Variants in AOX1 observed in about 807,000 individuals in gnomAD.
The protein encoded by AOX1 is aldehyde oxidase.
In AOX1, 153 loss-of-function variants were observed where a neutral mutation model predicts 169.5. The observed-to-expected ratio is 0.90, with a 90% CI of 0.79 to 1.03. The LOEUF (loss-of-function observed/expected upper bound fraction) is 1.03, where lower values mean the gene tolerates loss of function less well. Ranked by LOEUF, AOX1 falls within the 50% of genes least tolerant of loss-of-function variation. AOX1 has a pLI of 0.00. For missense variants in AOX1, 1,656 were observed against 1,663.9 expected, an observed-to-expected ratio of 1.00 and a Z score of 0.08; for synonymous variants, 562 against 581.9, an observed-to-expected ratio of 0.97 and a Z score of 0.49.
chr2:200,664,913 A>T (rs1574964223), intron 31 of AOX1, among the ~76,000 whole-genome samples: 1 of 152,186 alleles, frequency 6.6e-6, no homozygotes, highest in African/African-American at 2.4e-5. Flanking sequence ...GGAGTGGCTT[A>T]TCTGGGTGAT....
chr2:200,607,940 G>A (rs2034549077), intron 10 of AOX1, among the ~76,000 whole-genome samples: 1 of 152,138 alleles, frequency 6.6e-6, no homozygotes, highest in African/African-American at 2.4e-5. Flanking sequence ...ACACAGGAAG[G>A]GGAACAACAC....
At chr2:200,591,696 A>G (rs995440210) in intron 1 of AOX1, among the ~76,000 whole-genome samples, 2 of 152,222 alleles carry the variant, frequency 1.3e-5, no homozygotes, top group Non-Finnish European at 2.9e-5. Flanking sequence ...AGGAATTCCC[A>G]GAATGGCAGT....
In AOX1 at chr2:200,620,833, T is replaced by C; in HGVS notation, c.1874+14T>C. On this transcript the variant is annotated intron_variant, in intron 17 of 34. Transcript: ENST00000374700. ...TGCTAAGATTGTGTAAGTGGTAAAA[T>C]TCTTACTCAATGGGCATAAATGATT... 1 of 1,588,870 alleles carries C rather than the reference T, an allele frequency of 6.3e-7. No homozygotes were observed. Among genetic ancestry groups the C allele is most frequent in the Non-Finnish European group, 8.5e-7 (1 of 1,173,470 alleles).
intron 1 of AOX1, among the ~76,000 whole-genome samples, chr2:200,588,723 A>T (rs2034094853): frequency 1.9e-5 from 1 of 51,556 alleles, no homozygotes; most frequent in Non-Finnish European, 5.4e-5. Context: ...GAACTAGAAT[A>T]AGCTTTTTTT....
chr2:200,593,669 A>G (rs2034220226), intron 2 of AOX1, among the ~76,000 whole-genome samples: 1 of 152,256 alleles, frequency 6.6e-6, no homozygotes, highest in Non-Finnish European at 1.5e-5. Flanking sequence ...CTTGCTATGC[A>G]TGAACTCCAG....
chr2:200,657,190 A>ATATATATATATATATATATATATATT, intron 27 of AOX1, among the ~76,000 whole-genome samples: 3 of 62,880 alleles, frequency 4.8e-5, no homozygotes. Context: ...ATATATATAT[A>ATATATATATATATATATATATATATT]TTTTTTTTTT....
chr2:200,656,914 G>T lies in AOX1; in HGVS notation c.3148G>T (p.Gly1050Trp). 6.3e-7 allele frequency: 1 copy of T among 1,580,362 alleles called. No individual in the cohort carries two copies. The highest frequency in any genetic ancestry group is 8.6e-7 in the Non-Finnish European group (1 of 1,162,532). ...VTHGGIEMGQ[G>W]VHTKMIQVVS... ...TCACGGTGGAATTGAAATGGGGCAG[G>T]GGGTCCACACTAAAATGATTCAGGT... The change falls in exon 27 of 35, where the codon GGG becomes TGG. Residue 1050 changes from glycine (G) to tryptophan (W), a missense_variant. Physicochemically the swap from Gly to Trp is radical, Grantham distance 184. Transcript: ENST00000374700.
intron 1 of AOX1, among the ~76,000 whole-genome samples, chr2:200,589,834 C>T (rs894476680): frequency 1.3e-5 from 2 of 152,154 alleles, no homozygotes; most frequent in African/African-American, 4.8e-5. Context: ...CTAGCATTCT[C>T]TAAGGTTCTT....
At chr2:200,657,058 T>A (rs2035702917) in intron 27 of AOX1, 121 bp downstream of exon 27, 1 of 572,768 alleles carries the variant, frequency 1.7e-6, no homozygotes, top group Non-Finnish European at 2.7e-6. Flanking sequence ...GTGAGGTGGC[T>A]CATGCCTGTA....
Position 200,659,676 on chromosome 2 carries a change from CA to C in AOX1, c.3301-315del, listed in dbSNP as rs200307020. On this transcript the variant is annotated intron_variant, in intron 28 of 34. Coordinates refer to ENST00000374700, the MANE Select transcript of AOX1 (RefSeq NM_001159.4). ...TCTGCTGCCGGAGTGAATTTTCTCA[CA>C]AAATAAATGTGGCCATGCCATGTCT... 7.8e-3 allele frequency among the ~76,000 whole-genome samples: 1,182 copies of C among 152,276 alleles called. 6 individuals are homozygous for C. The highest frequency in any genetic ancestry group is 0.011 in the Non-Finnish European group (762 of 68,024).
intron 1 of AOX1, chr2:200,588,249 T>C (rs2034079293): frequency 6.6e-6 from 1 of 152,508 alleles, no homozygotes; most frequent in African/African-American, 2.4e-5. Flanking sequence ...GCAGTGGGAA[T>C]GGCAGGTGCA....
chr2:200,597,433 T>C lies in AOX1; in HGVS notation c.237T>C (p.Cys79=). Residue 79 remains cysteine, a synonymous_variant, in exon 4 of 35, where the codon TGT becomes TGC. Transcript: ENST00000374700. Reference sequence around the variant, plus strand: ...CCAATGCCTGTCTGATTCCCATCTGTTCTCTGTATGGTGCTGCCGTCACCA... The same window carrying C: ...CCAATGCCTGTCTGATTCCCATCTGCTCTCTGTATGGTGCTGCCGTCACCA... ...HPANACLIPI[C]SLYGAAVTTV... The C allele has an allele frequency of 6.2e-7, 1 of 1,611,278 alleles. No individual in the cohort carries two copies. Among genetic ancestry groups the C allele is most frequent in the Non-Finnish European group, 8.5e-7 (1 of 1,178,702 alleles).
chr2:200,609,767 AGTGTT>A (rs1257866961), intron 12 of AOX1, among the ~76,000 whole-genome samples: 1 of 152,192 alleles, frequency 6.6e-6, no homozygotes, highest in East Asian at 1.9e-4. Context: ...GTGGTACAGG[AGTGTT>A]GTGGCACCCA....
At chr2:200,599,305 G>C (rs545499295) in intron 4 of AOX1, among the ~76,000 whole-genome samples, 1 of 152,104 alleles carries the variant, frequency 6.6e-6, no homozygotes, top group Admixed American at 6.5e-5. Flanking sequence ...ATGTATGCCC[G>C]TGCCCCATTC....
At chr2:200,605,057 C>G (rs544134865) in intron 9 of AOX1, among the ~76,000 whole-genome samples, 1 of 152,270 alleles carries the variant, frequency 6.6e-6, no homozygotes, top group South Asian at 2.1e-4. Flanking sequence ...GGAGCAGTGT[C>G]AAGAGTTGTA....
chr2:200,609,458 A>T, intron 12 of AOX1, 44 bp downstream of exon 12: 1 of 1,514,172 alleles, frequency 6.6e-7, no homozygotes, highest in Non-Finnish European at 9.2e-7. Flanking sequence ...CTGTTTCTCT[A>T]CCCCTTTTTC....
At chr2:200,611,286 C>G (rs753045525) in intron 12 of AOX1, 98 bp from the exon 13 acceptor site, 2 of 810,148 alleles carry the variant, frequency 2.5e-6, no homozygotes, top group Non-Finnish European at 4.2e-6. Flanking sequence ...CCTGAACAAC[C>G]GGTTTCCTCA....
chr2:200,637,010 A>C lies in AOX1; in HGVS notation c.2446A>C (p.Ile816Leu), dbSNP rs2035248294. 6.2e-7 allele frequency: 1 copy of C among 1,614,166 alleles called. No individual in the cohort carries two copies. Among genetic ancestry groups the C allele is most frequent in the Non-Finnish European group, 8.5e-7 (1 of 1,180,006 alleles). Residue 816 changes from isoleucine (I) to leucine (L), a missense_variant, in exon 22 of 35, where the codon ATC (isoleucine) becomes CTC (leucine). Physicochemically the swap from Ile to Leu is conservative, Grantham distance 5. Transcript: ENST00000374700. ...AFGGKVLKTGIIAAVTAFAAN... is the reference protein window; with the variant it reads ...AFGGKVLKTGLIAAVTAFAAN... ...TGGAGGGAAGGTGTTAAAAACCGGA[A>C]TCATTGCAGCCGTCACTGCATTTGC...
At position 200,668,621 on chromosome 2, in the gene AOX1, G is replaced by A; in HGVS notation, c.3616G>A (p.Gly1206Ser). The A allele has an allele frequency of 2.5e-6, 4 of 1,601,610 alleles. No individual in the cohort carries two copies. Among genetic ancestry groups the A allele is most frequent in the Non-Finnish European group, 3.4e-6 (4 of 1,174,450 alleles). The stretch of plus-strand genomic sequence containing the variant: ...TTTTTTGTTCTTGCCTCAGATTGAA[G>A]GTGCATTTATTCAAGGCATGGGACT... ...NPAIDIGQIE[G>S]AFIQGMGLYT... The change falls in exon 33 of 35, where the codon GGT becomes AGT. Residue 1206 changes from glycine (G) to serine (S), a missense_variant. By Grantham distance (56) the Gly-to-Ser change is moderately conservative (BLOSUM62 0). Coordinates refer to ENST00000374700, the MANE Select transcript of AOX1 (RefSeq NM_001159.4).
Sources: allele counts gnomAD v4.1 joint callset (sites outside exome capture counted in the v4.1 genomes callset), GRCh38; gene constraint gnomAD v4.1.1; transcripts MANE v1.5; gene names NCBI Gene and HGNC (gene_info 2026-07-23, HGNC 2026-07-21).